CD200R1: variants seen among roughly 807,000 people sequenced by gnomAD.
CD200R1 encodes CD200 receptor 1.
Under a neutral mutation model 38.1 loss-of-function variants are expected in CD200R1, and 30 were observed. The observed-to-expected ratio is 0.79, with a 90% CI of 0.59 to 1.07. The LOEUF (loss-of-function observed/expected upper bound fraction) is 1.07, where lower values mean the gene tolerates loss of function less well. Ranked by LOEUF, CD200R1 falls within the 50% of genes least tolerant of loss-of-function variation. The pLI, the probability that CD200R1 is intolerant of heterozygous loss-of-function variation, is 0.00. For synonymous variants in CD200R1, 128 were observed against 152.1 expected (o/e 0.84, Z 1.16); for missense variants, 372 against 415.4 (o/e 0.90, Z 0.91).
chr3:112,949,959 C>T (rs960791680), intron 1 of CD200R1, among the ~76,000 whole-genome samples: 1 of 152,188 alleles, frequency 6.6e-6, no homozygotes, highest in Non-Finnish European at 1.5e-5. Flanking sequence ...CAACCCAAAC[C>T]TATAGCAAAC....
chr3:112,925,938 G>C (rs113897053), intron 5 of CD200R1, among the ~76,000 whole-genome samples: 1,597 of 152,176 alleles, frequency 0.01, 21 homozygotes, highest in South Asian at 0.031. Flanking sequence ...ACAGACTCCA[G>C]AGTTTTCAGC....
chr3:112,927,311 T>C (rs998333342), intron 5 of CD200R1, among the ~76,000 whole-genome samples: 20 of 152,098 alleles, frequency 1.3e-4, no homozygotes, highest in African/African-American at 4.8e-4. Context: ...GGCTTATCTC[T>C]CCAAGGCCAG....
chr3:112,939,829 G>A (rs539797877), intron 2 of CD200R1, among the ~76,000 whole-genome samples: 181 of 99,784 alleles, frequency 1.8e-3, no homozygotes, highest in Middle Eastern at 8.6e-3. Context: ...CAAAAGACCC[G>A]AAACAGCCAA....
intron 1 of CD200R1, among the ~76,000 whole-genome samples, chr3:112,969,963 G>A (rs1576157091): frequency 6.6e-6 from 1 of 152,000 alleles, no homozygotes; most frequent in East Asian, 1.9e-4. Context: ...CTTGAACCCA[G>A]GAGTTCAAGA....
At chr3:112,934,558 G>A (rs1436354484) in intron 2 of CD200R1, among the ~76,000 whole-genome samples, 4 of 148,476 alleles carry the variant, frequency 2.7e-5, no homozygotes, top group African/African-American at 7.9e-5. Flanking sequence ...AGCTGGGCAT[G>A]GTGGCTCACG....
At chr3:112,955,148 T>C (rs1941061981) in intron 1 of CD200R1, among the ~76,000 whole-genome samples, 1 of 152,220 alleles carries the variant, frequency 6.6e-6, no homozygotes, top group Non-Finnish European at 1.5e-5. Flanking sequence ...CACAAAGTGG[T>C]CTAACATATG....
Position 112,922,035 on chromosome 3 carries a change from T to C in CD200R1, c.*1642A>G, listed in dbSNP as rs1035764881. The stretch of plus-strand genomic sequence containing the variant: ...GTAATATTTATATGCAGAAACCTAA[T>C]GGACACTGCTTTTTGGTCAAGTCAA... On this transcript the variant is annotated 3_prime_UTR_variant, in exon 8 of 8. Coordinates refer to ENST00000308611, the MANE Select transcript of CD200R1 (RefSeq NM_138806.4). The C allele has an allele frequency of 3.9e-5, 6 of 152,036 alleles. No individual in the cohort carries two copies. The highest frequency in any genetic ancestry group is 8.8e-5 in the Non-Finnish European group (6 of 67,964). 9.4% of individuals were successfully genotyped at this position (152,036 alleles called of 1,614,324 possible). A position where few individuals can be genotyped will look rare whatever the true frequency, so the allele number is the denominator to read the frequency against.
intron 5 of CD200R1, among the ~76,000 whole-genome samples, 168 bp downstream of exon 5, chr3:112,928,648 G>C (rs79079096): frequency 0.02 from 2,989 of 152,214 alleles, 105 homozygotes; most frequent in African/African-American, 0.068. Flanking sequence ...TACAACAAAT[G>C]TCTGTACTAT....
At chr3:112,969,014 A>G (rs1933233449) in intron 1 of CD200R1, among the ~76,000 whole-genome samples, 1 of 152,250 alleles carries the variant, frequency 6.6e-6, no homozygotes, top group Non-Finnish European at 1.5e-5. Context: ...AGACACTCGC[A>G]TTCTCAGACA....
At chr3:112,952,241 T>C (rs1316577196) in intron 1 of CD200R1, among the ~76,000 whole-genome samples, 2 of 152,188 alleles carry the variant, frequency 1.3e-5, no homozygotes, top group Non-Finnish European at 2.9e-5. Context: ...TAGTATTTTA[T>C]TTTCTGTAGC....
rs199986714 is a variant in CD200R1 at position 112,939,869 on chromosome 3, C to CAAA, written c.136+7984_136+7986dup. 1.3e-4 allele frequency among the ~76,000 whole-genome samples: 16 copies of CAAA among 120,344 alleles called. No homozygotes were observed. The South Asian group carries it at 2.1e-3, about 16-fold the overall frequency. 79.0% of individuals were successfully genotyped at this position (120,344 alleles called of 152,430 possible). ...CATACTGAGCAAAAAACAAACAAACCAAAAAAAAAAAAAAAACAAGCTGCG... is the reference window on the plus strand; with the variant it reads ...CATACTGAGCAAAAAACAAACAAACCAAAAAAAAAAAAAAAAAAACAAGCTGCG... On this transcript the variant is annotated intron_variant, in intron 2 of 7. Transcript: ENST00000308611.
intron 2 of CD200R1, among the ~76,000 whole-genome samples, chr3:112,943,753 T>C (rs1940777254): frequency 6.6e-6 from 1 of 151,700 alleles, no homozygotes; most frequent in South Asian, 2.1e-4. Context: ...AAGTTGCTAA[T>C]ATCTGATATG....
chr3:112,951,802 G>C (rs7340694), intron 1 of CD200R1, among the ~76,000 whole-genome samples: 1 of 149,042 alleles, frequency 6.7e-6, no homozygotes, highest in Non-Finnish European at 1.5e-5. Context: ...AAAAAGCCTA[G>C]GAAAAAAAGG....
Position 112,923,585 on chromosome 3 carries a change from T to C in CD200R1, c.*92A>G, listed in dbSNP as rs980374435. 5 of 650,472 alleles carry C rather than the reference T, an allele frequency of 7.7e-6. No homozygotes were observed. Among genetic ancestry groups the C allele is most frequent in the African/African-American group, 1.9e-5 (1 of 52,552 alleles). The allele number at this position is 650,472 out of a possible 1,614,324, so 40.3% of individuals were successfully genotyped here. A position where few individuals can be genotyped will look rare whatever the true frequency, so the allele number is the denominator to read the frequency against. On this transcript the variant is annotated 3_prime_UTR_variant, in exon 8 of 8. Transcript: ENST00000308611. ...AGAACCTTGGAAAACCTAATTTCAA[T>C]ATAAGTCTTCATTCTAGAACTGTAA...
chr3:112,967,126 T>C (rs1933187689), intron 1 of CD200R1, among the ~76,000 whole-genome samples: 1 of 152,158 alleles, frequency 6.6e-6, no homozygotes, highest in Non-Finnish European at 1.5e-5. Flanking sequence ...CCTCCTCTCA[T>C]ATATTTTCTA....
At position 112,962,180 on chromosome 3, in the gene CD200R1, T is replaced by C. The variant is rs149856617; in HGVS notation, c.67+12611A>G. Among the ~76,000 whole-genome samples, 122 of 152,334 alleles carry C rather than the reference T, an allele frequency of 8.0e-4. 1 individual carries two copies. The highest frequency in any genetic ancestry group is 2.9e-3 in the African/African-American group (119 of 41,586). On this transcript the variant is annotated intron_variant, in intron 1 of 7. Transcript: ENST00000308611. Reference sequence around the variant, plus strand: ...GTTTTGTTTTTTGGGTTTTAATTTTTGGTTTTGGGAGTATTTTTTTGAGGC... The same window carrying C: ...GTTTTGTTTTTTGGGTTTTAATTTTCGGTTTTGGGAGTATTTTTTTGAGGC...
At position 112,933,176 on chromosome 3, in the gene CD200R1, C is replaced by T. The variant is rs542554461; in HGVS notation, c.137-2005G>A. On this transcript the variant is annotated intron_variant, in intron 2 of 7. Transcript: ENST00000308611. ...TCAGCAGACATGCCCCCAGACTGGCCGAGTGGCTGCCCACCCACTCCAGAA... is the reference window on the plus strand; with the variant it reads ...TCAGCAGACATGCCCCCAGACTGGCTGAGTGGCTGCCCACCCACTCCAGAA... Among the ~76,000 whole-genome samples the T allele has an allele frequency of 7.2e-5, 11 of 152,242 alleles. No individual in the cohort carries two copies. In the South Asian group the frequency reaches 8.3e-4, roughly 11 times the overall value.
chr3:112,958,680 T>C (rs886563105), intron 1 of CD200R1, among the ~76,000 whole-genome samples: 5 of 152,142 alleles, frequency 3.3e-5, no homozygotes, highest in Non-Finnish European at 7.4e-5. Context: ...ATCAGAAACA[T>C]TGGGTTTTAA....
At chr3:112,923,844 A>G in intron 7 of CD200R1, 45 bp from the exon 8 acceptor site, 1 of 1,232,876 alleles carries the variant, frequency 8.1e-7, no homozygotes. Flanking sequence ...AAATCATCAT[A>G]GAGACTATCT....
Sources: allele counts gnomAD v4.1 joint callset (sites outside exome capture counted in the v4.1 genomes callset), GRCh38; gene constraint gnomAD v4.1.1; transcripts MANE v1.5; gene names NCBI Gene and HGNC (gene_info 2026-07-23, HGNC 2026-07-21).